TENM1: variants seen among roughly 807,000 people sequenced by gnomAD.
The protein encoded by TENM1 is teneurin transmembrane protein 1, also known as teneurin-1.
In TENM1, 35 loss-of-function variants were observed where a neutral mutation model predicts 174.8. That is an observed-to-expected ratio of 0.20 (90% confidence interval 0.15 to 0.27). The LOEUF (loss-of-function observed/expected upper bound fraction) is 0.27, where lower values mean the gene tolerates loss of function less well. Ranked by LOEUF, TENM1 falls within the 10% of genes least tolerant of loss-of-function variation. TENM1 has a pLI of 1.00. For synonymous variants in TENM1, 781 were observed against 798.7 expected (o/e 0.98, Z 0.37); for missense variants, 1,633 against 2,130.1 (o/e 0.77, Z 4.59).
At chrX:125,051,647 A>C in the TENM1 span, among the ~76,000 whole-genome samples, 2 of 105,041 alleles carry the variant, frequency 1.9e-5, no homozygotes, top group Admixed American at 2.1e-4. Flanking sequence ...CCATATGTAG[A>C]AAGCTGAAAC....
chrX:124,500,710 T>C (rs977136884), intron 19 of TENM1, among the ~76,000 whole-genome samples: 1 of 112,210 alleles, frequency 8.9e-6, no homozygotes, highest in East Asian at 2.8e-4. Flanking sequence ...CTTTTAAACA[T>C]ACCAGTCATA....
At chrX:125,127,330 G>A in the TENM1 span, among the ~76,000 whole-genome samples, 1 of 111,436 alleles carries the variant, frequency 9.0e-6, no homozygotes, top group Non-Finnish European at 1.9e-5. Context: ...AAACAGTTTT[G>A]CTAGAAAGAT....
intron 3 of TENM1, among the ~76,000 whole-genome samples, chrX:124,748,840 T>C (rs2053997211): frequency 8.9e-6 from 1 of 112,150 alleles, no homozygotes; most frequent in South Asian, 3.7e-4. Context: ...AAAATAAGGA[T>C]AGTAATAAGC....
At chrX:124,606,091 A>T (rs1233563911) in intron 11 of TENM1, among the ~76,000 whole-genome samples, 1 of 111,394 alleles carries the variant, frequency 9.0e-6, no homozygotes, top group Non-Finnish European at 1.9e-5. Context: ...GTGTATTTAG[A>T]TTACAATGCA....
At chrX:124,982,980 T>C in the TENM1 span, among the ~76,000 whole-genome samples, 3 of 111,831 alleles carry the variant, frequency 2.7e-5, no homozygotes, top group Non-Finnish European at 5.6e-5. Context: ...TGTTTCCTCT[T>C]CTAGAATAAC....
chrX:125,167,876 A>G, the TENM1 span, among the ~76,000 whole-genome samples: 1 of 112,107 alleles, frequency 8.9e-6, no homozygotes, highest in African/African-American at 3.2e-5. Flanking sequence ...CCTGGCCATG[A>G]TTATTACAAT....
intron 1 of TENM1, among the ~76,000 whole-genome samples, chrX:124,914,194 G>T (rs2057884249): frequency 8.9e-6 from 1 of 111,836 alleles, no homozygotes; most frequent in African/African-American, 3.2e-5. Context: ...TATATCTGCT[G>T]GTGGTAAGGA....
chrX:124,756,237 A>G lies in TENM1; in HGVS notation c.536-19040T>C, dbSNP rs775294703. Among the ~76,000 whole-genome samples the G allele has an allele frequency of 4.0e-5, 4 of 100,371 alleles. No homozygotes were observed. In the South Asian group the frequency reaches 1.8e-3, roughly 46 times the overall value. The allele number at this position is 100,371 out of a possible 115,157, so 87.2% of individuals were successfully genotyped here. On this transcript the variant is annotated intron_variant, in intron 3 of 31. Coordinates refer to ENST00000422452, the Ensembl canonical transcript of TENM1. ...CTTCCCTTCTCGCTTCATTTCATTC[A>G]TTTCATCTTCCATCACTGATACCCT...
chrX:124,946,703 A>C (rs1353237575), intron 1 of TENM1, among the ~76,000 whole-genome samples: 1 of 111,566 alleles, frequency 9.0e-6, no homozygotes, highest in East Asian at 2.8e-4. Flanking sequence ...GATCTTGACA[A>C]GAGCTAAGTA....
intron 14 of TENM1, among the ~76,000 whole-genome samples, chrX:124,560,020 A>G (rs1169008319): frequency 1.8e-5 from 2 of 110,861 alleles, no homozygotes; most frequent in Non-Finnish European, 3.8e-5. Flanking sequence ...TAAAAGGTAT[A>G]TAATGAAAAA....
In TENM1 at chrX:124,508,921, G is replaced by A. The variant is rs141872791; in HGVS notation, c.3302-5218C>T. ...TCTGTTGGTATTCATTTCTTTGTTCGGTCATTCAACAAATATGCAATATTT... is the reference window on the plus strand; with the variant it reads ...TCTGTTGGTATTCATTTCTTTGTTCAGTCATTCAACAAATATGCAATATTT... On this transcript the variant is annotated intron_variant, in intron 18 of 31. Transcript: ENST00000422452. Among the ~76,000 whole-genome samples, 35 of 111,484 alleles carry A rather than the reference G, an allele frequency of 3.1e-4. No homozygotes were observed. The East Asian group carries it at 8.5e-3, about 27-fold the overall frequency.
At chrX:124,803,344 C>T (rs1047108806) in intron 3 of TENM1, among the ~76,000 whole-genome samples, 1 of 112,057 alleles carries the variant, frequency 8.9e-6, no homozygotes, top group African/African-American at 3.2e-5. Context: ...TGTATTCTTT[C>T]TGTCAATTAC....
At chrX:124,910,824 T>C (rs917804434) in intron 1 of TENM1, among the ~76,000 whole-genome samples, 8 of 111,765 alleles carry the variant, frequency 7.2e-5, no homozygotes, top group Non-Finnish European at 1.3e-4. Context: ...GCCAGTTGCC[T>C]AACAGCACAG....
intron 25 of TENM1, among the ~76,000 whole-genome samples, chrX:124,416,333 A>G (rs1299932142): frequency 8.9e-6 from 1 of 111,869 alleles, no homozygotes; most frequent in African/African-American, 3.3e-5. Flanking sequence ...CATCTCATAT[A>G]AATGGAATCA....
chrX:124,651,963 G>A (rs754750147), exon 8 of TENM1: 1 of 1,208,937 alleles, frequency 8.3e-7, no homozygotes, highest in South Asian at 1.8e-5. Context: ...TTCCATCATT[G>A]TAAAACGCCA....
chrX:125,110,023 T>C, the TENM1 span, among the ~76,000 whole-genome samples: 1 of 111,625 alleles, frequency 9.0e-6, no homozygotes, highest in African/African-American at 3.3e-5. Context: ...CATTGATGTT[T>C]ATGAAACAAT....
the TENM1 span, among the ~76,000 whole-genome samples, chrX:125,092,883 T>C: frequency 8.9e-5 from 10 of 112,300 alleles, no homozygotes; most frequent in South Asian, 1.5e-3. Context: ...AAGGATATTA[T>C]TGGAACTTGA....
the TENM1 span, among the ~76,000 whole-genome samples, chrX:124,987,373 T>C: frequency 2.7e-5 from 3 of 111,501 alleles, no homozygotes; most frequent in Non-Finnish European, 5.6e-5. Context: ...CTCAGCCTTG[T>C]TTCAGAGAAT....
At chrX:124,489,486 C>T (rs1158789960) in intron 20 of TENM1, among the ~76,000 whole-genome samples, 1 of 111,673 alleles carries the variant, frequency 9.0e-6, no homozygotes, top group Non-Finnish European at 1.9e-5. Context: ...ACATTTTCAT[C>T]ATGCTATGAA....
Sources: gnomAD v4.1 joint callset for allele counts (sites outside exome capture counted in the v4.1 genomes callset) on GRCh38, gnomAD v4.1.1 for gene constraint, MANE v1.5 for transcripts, NCBI Gene and HGNC (gene_info 2026-07-23, HGNC 2026-07-21) for gene names.